LMF1: variants seen among roughly 807,000 people sequenced by gnomAD.
LMF1 encodes the protein transmembrane protein 112.
In LMF1, 68 loss-of-function variants were observed where a neutral mutation model predicts 60.6. That is an observed-to-expected ratio of 1.12 (90% CI 0.92 to 1.37). The LOEUF is 1.37. LMF1 is among the 40% of genes most tolerant of loss of function. LMF1 has a pLI of 0.00. For missense variants in LMF1, 948 were observed against 767.2 expected, an observed-to-expected ratio of 1.24 and a Z score of -2.78; for synonymous variants, 418 against 324.7, an observed-to-expected ratio of 1.29 and a Z score of -3.09.
At chr16:979,282 G>T in intron 1 of LMF1, 1 of 360,670 alleles carries the variant, frequency 2.8e-6, no homozygotes, top group Non-Finnish European at 5.5e-6. Flanking sequence ...CTCTGGAAGG[G>T]GGGTTTGTGG....
At chr16:871,750 G>A (rs541007087) in intron 6 of LMF1, 50 of 176,702 alleles carry the variant, frequency 2.8e-4, no homozygotes, top group Middle Eastern at 2.6e-3. Flanking sequence ...TGGAGAGTGG[G>A]TACTGGGGAC....
chr16:904,437 G>T (rs1178254614), intron 4 of LMF1, among the ~76,000 whole-genome samples: 1 of 116,622 alleles, frequency 8.6e-6, no homozygotes, highest in Non-Finnish European at 1.7e-5. Flanking sequence ...GGTGACCTCT[G>T]CACTGCCTGT....
Position 870,079 on chromosome 16 carries a change from C to A in LMF1, c.1233-13G>T, listed in dbSNP as rs1379507607. The A allele has an allele frequency of 6.2e-7, 1 of 1,601,614 alleles. No individual in the cohort carries two copies. The highest frequency in any genetic ancestry group is 1.3e-5 in the African/African-American group (1 of 74,874). ...CTCCTTGGTGATGCTGCCGGGAGACCGAGGCAGGCCAGGCCCACGTCACAC... is the reference window on the plus strand; with the variant it reads ...CTCCTTGGTGATGCTGCCGGGAGACAGAGGCAGGCCAGGCCCACGTCACAC... On this transcript the variant is annotated splice_polypyrimidine_tract_variant and intron_variant, in intron 8 of 10. Coordinates refer to ENST00000262301, the MANE Select transcript of LMF1 (RefSeq NM_022773.4).
At position 897,427 on chromosome 16, in the gene LMF1, C is replaced by T. The variant is rs576788172; in HGVS notation, c.664-4355G>A. Among the ~76,000 whole-genome samples the T allele has an allele frequency of 5.0e-3, 760 of 152,156 alleles. 3 individuals are homozygous for T. Among genetic ancestry groups the T allele is most frequent in the Non-Finnish European group, 7.8e-3 (530 of 67,926 alleles). The stretch of plus-strand genomic sequence containing the variant: ...GAGGGGGCGCCGCCAGGCCTCCCTC[C>T]GAGCCACAACCTCCTCCATCCTTCT... On this transcript the variant is annotated intron_variant, in intron 4 of 10. Coordinates refer to ENST00000262301, the MANE Select transcript of LMF1 (RefSeq NM_022773.4). This position sits in a 1 kb window ranked among gnomAD's most constrained non-coding sequence, Gnocchi z 4.3.
intron 3 of LMF1, among the ~76,000 whole-genome samples, chr16:915,056 G>A (rs1333048537): frequency 6.6e-6 from 1 of 152,246 alleles, no homozygotes; most frequent in South Asian, 2.1e-4. Context: ...AGGGCTTGTA[G>A]GGTTTTCACC....
At chr16:979,280 G>A (rs1032333329) in intron 1 of LMF1, 2 of 361,516 alleles carry the variant, frequency 5.5e-6, no homozygotes, top group African/African-American at 2.1e-5. Flanking sequence ...GACTCTGGAA[G>A]GGGGGTTTGT....
chr16:934,562 T>C, intron 2 of LMF1: 1 of 396,832 alleles, frequency 2.5e-6, no homozygotes. Flanking sequence ...CAGCATCAAT[T>C]AAATGCCACG....
intron 3 of LMF1, chr16:933,931 C>A: frequency 7.3e-7 from 1 of 1,365,220 alleles, no homozygotes. Flanking sequence ...CTTGAGCGTC[C>A]ACGGGGGATG....
chr16:861,573 C>G (rs1171273497), intron 10 of LMF1, among the ~76,000 whole-genome samples: 2 of 151,940 alleles, frequency 1.3e-5, no homozygotes, highest in African/African-American at 2.4e-5. Context: ...TTAGGCTGGT[C>G]TTGAACTCCC....
chr16:917,310 CCCA>C (rs2071307300), intron 3 of LMF1, among the ~76,000 whole-genome samples: 1 of 100,854 alleles, frequency 9.9e-6, no homozygotes, highest in Admixed American at 1.1e-4. Context: ...CGGGCACAGG[CCCA>C]CGTGAAGAAA....
intron 10 of LMF1, chr16:855,735 C>T (rs1271997706): frequency 1.8e-5 from 8 of 455,942 alleles, no homozygotes; most frequent in Admixed American, 7.0e-5. Context: ...CTCTCATGGC[C>T]CCTGGAATGA....
At chr16:905,491 G>A (rs1019172926) in intron 4 of LMF1, among the ~76,000 whole-genome samples, 3 of 152,334 alleles carry the variant, frequency 2.0e-5, no homozygotes, top group Middle Eastern at 3.4e-3. Flanking sequence ...ATGTAGATAC[G>A]CTCAGCATTT....
At chr16:981,307 A>AGT, upstream of LMF1, 1 of 170,468 alleles carries the variant, frequency 5.9e-6, no homozygotes, top group Non-Finnish European at 1.2e-5. Context: ...TGTGTGTGAG[A>AGT]GAGAGAGAGA....
chr16:876,451 C>G (rs2069978396), intron 6 of LMF1, among the ~76,000 whole-genome samples: 1 of 152,196 alleles, frequency 6.6e-6, no homozygotes, highest in African/African-American at 2.4e-5. Flanking sequence ...GCTCTCCTGT[C>G]AGCCGGGACT....
chr16:889,320 C>A (rs1228186089), intron 5 of LMF1, among the ~76,000 whole-genome samples: 4 of 151,976 alleles, frequency 2.6e-5, no homozygotes, highest in African/African-American at 9.7e-5. Context: ...TCGTTACCAG[C>A]AGATGAAAAA....
At position 911,186 on chromosome 16, in the gene LMF1, G is replaced by A. The variant is rs1371503072; in HGVS notation, c.515-107C>T. The A allele has an allele frequency of 9.0e-5, 118 of 1,307,404 alleles. 2 individuals are homozygous for A. In the East Asian group the frequency reaches 2.9e-3, roughly 33 times the overall value. The allele number at this position is 1,307,404 out of a possible 1,614,324, so 81.0% of individuals were successfully genotyped here. A position where few individuals can be genotyped will look rare whatever the true frequency, so the allele number is the denominator to read the frequency against. ...TGGAAACGGTCCTTGAGACAGGGCT[G>A]ATCTTGCTACTGAGAGACACCAGCC... On this transcript the variant is annotated intron_variant, in intron 3 of 10. Transcript: ENST00000262301.
intron 1 of LMF1, among the ~76,000 whole-genome samples, chr16:977,925 A>AC (rs1555484146): frequency 5.7e-5 from 8 of 140,540 alleles, no homozygotes; most frequent in African/African-American, 1.7e-4. Context: ...CACACATACC[A>AC]CACACATACA....
intron 5 of LMF1, chr16:883,668 T>G (rs1285693971): frequency 6.6e-6 from 1 of 152,146 alleles, no homozygotes; most frequent in Non-Finnish European, 1.5e-5. Context: ...GAAACAATAT[T>G]TGAAGAAATA....
rs968479793 is a variant in LMF1 at position 969,557 on chromosome 16, AAAG to A, written c.193+1228_193+1230del. 4.6e-5 allele frequency among the ~76,000 whole-genome samples: 7 copies of A among 152,256 alleles called. 1 individual carries two copies. The highest frequency in any genetic ancestry group is 1.7e-4 in the African/African-American group (7 of 41,478). On this transcript the variant is annotated intron_variant, in intron 1 of 10. Coordinates refer to ENST00000262301, the MANE Select transcript of LMF1 (RefSeq NM_022773.4). Reference sequence around the variant, plus strand: ...GACGTGTGTGGCACAAAGGCTGTGCAAAGAAGAACTTCTGCAACCTGACCCTTT... The same window carrying A: ...GACGTGTGTGGCACAAAGGCTGTGCAAAGAACTTCTGCAACCTGACCCTTT...
Sources: allele counts gnomAD v4.1 joint callset (sites outside exome capture counted in the v4.1 genomes callset), GRCh38; gene constraint gnomAD v4.1.1; non-coding constraint Gnocchi (gnomAD v3.1); transcripts MANE v1.5; gene names NCBI Gene and HGNC (gene_info 2026-07-23, HGNC 2026-07-21).